Variants in ZNF131 observed in about 807,000 individuals in gnomAD.
ZNF131 encodes zinc finger and BTB domain containing 35, also known as zinc finger protein 131.
A neutral mutation model predicts 60.0 loss-of-function variants in ZNF131; 7 were observed. That is an observed-to-expected ratio of 0.12 (90% CI 0.07 to 0.22). The LOEUF (loss-of-function observed/expected upper bound fraction) is 0.22. ZNF131 is among the 10% of genes least tolerant of loss of function. The probability of loss-of-function intolerance (pLI) is 1.00; values close to 1 mark genes in which losing one functional copy is unlikely to be tolerated. For synonymous variants in ZNF131, 257 were observed against 253.2 expected, an observed-to-expected ratio of 1.01 and a Z score of -0.14; for missense variants, 493 against 740.9, an observed-to-expected ratio of 0.67 and a Z score of 3.88.
In ZNF131 at chr5:43,157,320, A is replaced by G. The variant is rs1690989; in HGVS notation, c.372-3929A>G. Reference sequence around the variant, plus strand: ...CCCTCATCTCCCATGTGAACCGTCCAAAGCTGTGACTCACCTGGCTTCTGC... The same window carrying G: ...CCCTCATCTCCCATGTGAACCGTCCGAAGCTGTGACTCACCTGGCTTCTGC... On this transcript the variant is annotated intron_variant, in intron 4 of 6. Coordinates refer to ENST00000682664, the MANE Select transcript of ZNF131 (RefSeq NM_001330707.2). 9.1e-3 allele frequency among the ~76,000 whole-genome samples: 1,388 copies of G among 152,338 alleles called. 29 individuals are homozygous for G. Among genetic ancestry groups the G allele is most frequent in the African/African-American group, 0.032 (1,333 of 41,570 alleles).
chr5:43,174,940 T>C lies in ZNF131; in HGVS notation c.1679T>C (p.Leu560Pro), dbSNP rs1315095889. Residue 560 changes from leucine (L) to proline (P), a missense_variant, in exon 7 of 7, where the codon CTA becomes CCA. By Grantham distance (98) the Leu-to-Pro change is moderately conservative. Transcript: ENST00000682664. ...CCAGTGGAAGTACAAACTGAACTTC[T>C]AGAAGCAGATTTGGACCACGTGACC... Reference protein sequence around the residue: ...QMPVEVQTELLEADLDHVTPE... With the variant: ...QMPVEVQTELPEADLDHVTPE... 1 of 1,614,118 alleles carries C rather than the reference T, an allele frequency of 6.2e-7. No individual in the cohort carries two copies. The highest frequency in any genetic ancestry group is 2.2e-5 in the East Asian group (1 of 44,886).
At chr5:43,132,333 G>C (rs1025529070) in intron 3 of ZNF131, among the ~76,000 whole-genome samples, 8 of 152,124 alleles carry the variant, frequency 5.3e-5, no homozygotes, top group Admixed American at 3.3e-4. Flanking sequence ...TTATTTGGTA[G>C]AGTGTAACTT....
rs974448398 is a variant in ZNF131, at chr5:43,120,938, A to G, written c.-201A>G. On this transcript the variant is annotated 5_prime_UTR_variant, in exon 1 of 7. Transcript: ENST00000682664. Reference sequence around the variant, plus strand: ...CGGGGCCGCGGCCGCCCGGGTGCCCAACCGAACGCACGTGCGCCAGCGGGG... The same window carrying G: ...CGGGGCCGCGGCCGCCCGGGTGCCCGACCGAACGCACGTGCGCCAGCGGGG... 2.0e-5 allele frequency: 3 copies of G among 152,152 alleles called. No individual in the cohort carries two copies. The highest frequency in any genetic ancestry group is 7.2e-5 in the African/African-American group (3 of 41,446). The allele number at this position is 152,152 out of a possible 1,614,324, so 9.4% of individuals were successfully genotyped here.
intron 4 of ZNF131, among the ~76,000 whole-genome samples, chr5:43,159,822 C>G (rs191370351): frequency 6.6e-6 from 1 of 151,542 alleles, no homozygotes; most frequent in Admixed American, 6.6e-5. Flanking sequence ...TTGATGAAAT[C>G]TATTTTATCA....
intron 5 of ZNF131, among the ~76,000 whole-genome samples, chr5:43,171,013 C>T (rs1013605871): frequency 6.6e-6 from 1 of 151,596 alleles, no homozygotes; most frequent in Non-Finnish European, 1.5e-5. Flanking sequence ...GGCCTGTTCT[C>T]GGCTCACTGC....
intron 5 of ZNF131, among the ~76,000 whole-genome samples, chr5:43,168,511 G>T (rs945183361): frequency 8.5e-5 from 13 of 152,192 alleles, no homozygotes; most frequent in Non-Finnish European, 1.6e-4. Flanking sequence ...CCATCATATG[G>T]GAGATCTAGA....
chr5:43,171,445 G>A lies in ZNF131; in HGVS notation c.1055-1873G>A, dbSNP rs75447479. On this transcript the variant is annotated intron_variant, in intron 5 of 6. Transcript: ENST00000682664. ...AAGAATCCTGTTATTGGCTGGGCACGGTGGATCACTTGAGGTCAGGAGTTC... is the reference window on the plus strand; with the variant it reads ...AAGAATCCTGTTATTGGCTGGGCACAGTGGATCACTTGAGGTCAGGAGTTC... 0.011 allele frequency among the ~76,000 whole-genome samples: 1,607 copies of A among 152,070 alleles called. 107 individuals are homozygous for A. In the East Asian group the frequency reaches 0.19, roughly 18 times the overall value.
chr5:43,164,827 A>ATAAAT (rs1750149577), intron 5 of ZNF131, among the ~76,000 whole-genome samples: 1 of 152,258 alleles, frequency 6.6e-6, no homozygotes, highest in Non-Finnish European at 1.5e-5. Context: ...ACTGAACCAT[A>ATAAAT]TACCCATTGG....
chr5:43,132,967 C>T (rs763886831), intron 3 of ZNF131, among the ~76,000 whole-genome samples: 4 of 152,086 alleles, frequency 2.6e-5, no homozygotes, highest in East Asian at 1.9e-4. Flanking sequence ...CTATTGTGTG[C>T]GGTTTGGACT....
chr5:43,135,558 G>A (rs1745976209), intron 3 of ZNF131, among the ~76,000 whole-genome samples: 1 of 150,264 alleles, frequency 6.7e-6, no homozygotes, highest in South Asian at 2.1e-4. Context: ...AGACCAGCCT[G>A]AACAACATGG....
At chr5:43,122,815 T>C (rs575985576) in intron 2 of ZNF131, among the ~76,000 whole-genome samples, 5 of 152,372 alleles carry the variant, frequency 3.3e-5, no homozygotes, top group South Asian at 2.1e-4. Flanking sequence ...AGCAGACATA[T>C]CCAGCTTTGT....
intron 1 of ZNF131, chr5:43,121,369 GA>G (rs1743773937): frequency 6.5e-6 from 1 of 152,986 alleles, no homozygotes; most frequent in Non-Finnish European, 1.5e-5. Context: ...TTTCTTCTCA[GA>G]GAGCAAGCCC....
At chr5:43,157,217 C>T (rs1257749254) in intron 4 of ZNF131, among the ~76,000 whole-genome samples, 1 of 152,136 alleles carries the variant, frequency 6.6e-6, no homozygotes, top group Non-Finnish European at 1.5e-5. Context: ...CAGAGGTGGA[C>T]ATGATAAACT....
chr5:43,173,261 T>G, intron 5 of ZNF131, 57 bp from the exon 6 acceptor site: 6 of 1,443,482 alleles, frequency 4.2e-6, no homozygotes, highest in South Asian at 1.6e-5. Flanking sequence ...CGTTTAAAAT[T>G]ATTTGCTCTT....
In ZNF131 at chr5:43,175,095, G is replaced by T; in HGVS notation, c.1834G>T (p.Glu612Ter). Residue 612 changes from glutamate (E) to a stop codon, truncating the protein, a stop_gained, in exon 7 of 7, where the codon GAG becomes TAG. Transcript: ENST00000682664. LOFTEE classifies it high-confidence loss of function. ...PTVDSEAEKA[E>*]NEDRTALPVL... ...AGTGGATTCTGAAGCAGAAAAGGCA[G>T]AGAATGAGGACAGAACAGCTCTGCC... 1 of 1,614,114 alleles carries T rather than the reference G, an allele frequency of 6.2e-7. No individual in the cohort carries two copies. The highest frequency in any genetic ancestry group is 8.5e-7 in the Non-Finnish European group (1 of 1,180,012).
rs769261252 is a variant in ZNF131, at chr5:43,161,240, G to A, written c.372-9G>A. The A allele has an allele frequency of 6.3e-7, 1 of 1,583,172 alleles. No individual in the cohort carries two copies. Reference sequence around the variant, plus strand: ...TAGATTTTTTAAACCCCTACATTATGTATTTCAGGAACAAAGAAAACTCAG... The same window carrying A: ...TAGATTTTTTAAACCCCTACATTATATATTTCAGGAACAAAGAAAACTCAG... On this transcript the variant is annotated splice_polypyrimidine_tract_variant and intron_variant, in intron 4 of 6. Transcript: ENST00000682664.
intron 4 of ZNF131, among the ~76,000 whole-genome samples, chr5:43,155,743 G>A (rs1367745399): frequency 1.3e-5 from 2 of 152,166 alleles, no homozygotes; most frequent in South Asian, 2.1e-4. Flanking sequence ...TTGGGAGGAG[G>A]ATAGGAGAAG....
At chr5:43,149,820 T>C (rs1011175534) in intron 4 of ZNF131, among the ~76,000 whole-genome samples, 33 of 152,146 alleles carry the variant, frequency 2.2e-4, no homozygotes, top group African/African-American at 8.0e-4. Context: ...GCCATCTGTT[T>C]GTATTCTTTG....
chr5:43,140,394 C>T (rs1195461673), intron 4 of ZNF131, among the ~76,000 whole-genome samples: 1 of 152,166 alleles, frequency 6.6e-6, no homozygotes, highest in Non-Finnish European at 1.5e-5. Context: ...AGTTACTTAA[C>T]CCTCCTGTCA....
Sources: gnomAD v4.1 joint callset for allele counts (sites outside exome capture counted in the v4.1 genomes callset) on GRCh38, gnomAD v4.1.1 for gene constraint, MANE v1.5 for transcripts, NCBI Gene and HGNC (gene_info 2026-07-23, HGNC 2026-07-21) for gene names.